ACE: variants seen among roughly 807,000 people sequenced by gnomAD.
ACE encodes the protein angiotensin I converting enzyme, also known as angiotensin-converting enzyme.
Under a neutral mutation model 162.3 loss-of-function variants are expected in ACE, and 122 were observed. The ratio of observed to expected loss-of-function variants is 0.75; its 90% CI spans 0.65 to 0.87. ACE has a LOEUF of 0.87. Among genes scored for constraint, ACE ranks in the 40% least tolerant of loss-of-function variants. The pLI, the probability that ACE is intolerant of heterozygous loss-of-function variation, is 0.00. For missense variants in ACE, 1,799 were observed against 1,735.1 expected, an observed-to-expected ratio of 1.04 and a Z score of -0.65; for synonymous variants, 796 against 720.6, an observed-to-expected ratio of 1.10 and a Z score of -1.68.
rs771624836 is a variant in ACE, at chr17:63,480,537, C to T, written c.847+9C>T. ...CCCTGCTCATCTGCTGGGTAAGGACCTGGCCTCGCCTCCACATGAGTCCCA... is the reference window on the plus strand; with the variant it reads ...CCCTGCTCATCTGCTGGGTAAGGACTTGGCCTCGCCTCCACATGAGTCCCA... On this transcript the variant is annotated intron_variant, in intron 5 of 24. Coordinates refer to ENST00000290866, the MANE Select transcript of ACE (RefSeq NM_000789.4). The T allele has an allele frequency of 2.1e-5, 34 of 1,613,398 alleles. No individual in the cohort carries two copies. Among genetic ancestry groups the T allele is most frequent in the Non-Finnish European group, 2.8e-5 (33 of 1,180,008 alleles).
Position 63,483,567 on chromosome 17 carries a change from G to GCGGGGGCGCGCCCCCC in ACE, c.1586+10_1586+11insGGGGGCGCGCCCCCCC. 1 of 1,589,582 alleles carries GCGGGGGCGCGCCCCCC rather than the reference G, an allele frequency of 6.3e-7. No homozygotes were observed. Among genetic ancestry groups the GCGGGGGCGCGCCCCCC allele is most frequent in the Non-Finnish European group, 8.6e-7 (1 of 1,165,688 alleles). On this transcript the variant is annotated intron_variant, in intron 10 of 24. Coordinates refer to ENST00000290866, the MANE Select transcript of ACE (RefSeq NM_000789.4). ...GTGACACCATACATCAGGTATTAGC[G>GCGGGGGCGCGCCCCCC]CCCCCACCCCACCCACCCCCAGTAC...
At chr17:63,481,416 T>G in intron 6 of ACE, 150 bp from the exon 7 acceptor site, 1 of 920,018 alleles carries the variant, frequency 1.1e-6, no homozygotes, top group Non-Finnish European at 1.7e-6. Context: ...TCATCTGCTG[T>G]GGGAGTGAGG....
intron 17 of ACE, chr17:63,490,673 T>C: frequency 2.1e-6 from 1 of 480,414 alleles, no homozygotes; most frequent in African/African-American, 2.0e-5. Context: ...TGTCAGCAGT[T>C]GCTAGTCACA....
chr17:63,497,973 G>A lies in ACE; in HGVS notation c.*607G>A. ...AGGTCCCCCCAGGGGAAGGCTTCCG[G>A]CTGTTATCGGCTGCCTCAGGGGGCG... is the stretch of plus-strand genomic sequence containing the variant. On this transcript the variant is annotated 3_prime_UTR_variant, in exon 25 of 25. Transcript: ENST00000290866. 1 of 200,744 alleles carries A rather than the reference G, an allele frequency of 5.0e-6. No homozygotes were observed. Among genetic ancestry groups the A allele is most frequent in the South Asian group, 8.7e-5 (1 of 11,538 alleles). The allele number at this position is 200,744 out of a possible 1,614,324, so 12.4% of individuals were successfully genotyped here. A position where few individuals can be genotyped will look rare whatever the true frequency, so the allele number is the denominator to read the frequency against.
At chr17:63,483,200 G>A (rs374687849) in intron 9 of ACE, 27 bp downstream of exon 9, 38 of 1,612,132 alleles carry the variant, frequency 2.4e-5, no homozygotes, top group African/African-American at 1.9e-4. Context: ...AAAAGCCTTC[G>A]CCCCAGCTAG....
chr17:63,478,221 G>C, intron 2 of ACE, 123 bp downstream of exon 2: 5 of 1,279,370 alleles, frequency 3.9e-6, no homozygotes, highest in Non-Finnish European at 5.4e-6. Context: ...TGACAGAAGG[G>C]AAAGCCCAGG....
intron 7 of ACE, among the ~76,000 whole-genome samples, chr17:63,482,250 G>A (rs1161048401): frequency 6.6e-6 from 1 of 151,902 alleles, no homozygotes; most frequent in Admixed American, 6.6e-5. Context: ...GCAGTGAGCT[G>A]AGATTGTGCC....
In ACE at chr17:63,484,372, G is replaced by A. The variant is rs2029862521; in HGVS notation, c.1752G>A (p.Val584=). 1.2e-6 allele frequency: 2 copies of A among 1,611,676 alleles called. No individual in the cohort carries two copies. Among genetic ancestry groups the A allele is most frequent in the South Asian group, 1.1e-5 (1 of 90,898 alleles). ...GCTCCTCCAGGCCCTGGCAGGAGGT[G>A]CTGAAGGACATGGTCGGCTTAGATG... The part of the protein sequence containing the change: ...QAGSSRPWQE[V]LKDMVGLDAL... Residue 584 remains valine (V), a synonymous_variant, in exon 12 of 25, where the codon GTG becomes GTA. Transcript: ENST00000290866. The surrounding 1 kb of genome is among the most constrained non-coding windows in gnomAD (Gnocchi z 4.0).
intron 15 of ACE, among the ~76,000 whole-genome samples, chr17:63,488,185 G>A (rs565959127): frequency 1.2e-4 from 19 of 152,074 alleles, no homozygotes; most frequent in East Asian, 5.8e-4. Flanking sequence ...GCAAGACCCC[G>A]TCTCTACAAA....
At position 63,491,193 on chromosome 17, in the gene ACE, C is replaced by T. The variant is rs758774572; in HGVS notation, c.2740-16C>T. On this transcript the variant is annotated splice_polypyrimidine_tract_variant and intron_variant, in intron 18 of 24. Coordinates refer to ENST00000290866, the MANE Select transcript of ACE (RefSeq NM_000789.4). The surrounding 1 kb of genome is among the most constrained non-coding windows in gnomAD (Gnocchi z 4.4). Reference sequence around the variant, plus strand: ...CCCGGAACCCCCAGTTTGGGCAGAACTCCCTCTGCTTGCAGGGCTGGACGC... The same window carrying T: ...CCCGGAACCCCCAGTTTGGGCAGAATTCCCTCTGCTTGCAGGGCTGGACGC... 1.1e-5 allele frequency: 18 copies of T among 1,613,782 alleles called. No individual in the cohort carries two copies. In the South Asian group the frequency reaches 1.9e-4, roughly 17 times the overall value.
Position 63,486,562 on chromosome 17 carries a change from G to A in ACE, c.2064G>A (p.Gln688=). The change falls in exon 14 of 25, where the codon CAG becomes CAA. Residue 688 remains glutamine, a synonymous_variant. Transcript: ENST00000290866. ...ITTETSKILL[Q]KNMQIANHTL... The stretch of plus-strand genomic sequence containing the variant: ...CCATCCCCCTGTGCCCTCAGCTGCA[G>A]AAGAACATGCAAATAGCCAACCACA... The A allele has an allele frequency of 6.2e-7, 1 of 1,614,170 alleles. No homozygotes were observed. The highest frequency in any genetic ancestry group is 1.6e-4 in the Middle Eastern group (1 of 6,062).
At position 63,481,546 on chromosome 17, in the gene ACE, G is replaced by A. The variant is rs1226715092; in HGVS notation, c.946-20G>A. On this transcript the variant is annotated intron_variant, in intron 6 of 24. Coordinates refer to ENST00000290866, the MANE Select transcript of ACE (RefSeq NM_000789.4). Reference sequence around the variant, plus strand: ...GCCAGAGTGGGCTCCCCCTGACCTGGCTCCACACCCCTCCTCCAGGGCTGG... The same window carrying A: ...GCCAGAGTGGGCTCCCCCTGACCTGACTCCACACCCCTCCTCCAGGGCTGG... 1.2e-6 allele frequency: 2 copies of A among 1,613,240 alleles called. No homozygotes were observed. The highest frequency in any genetic ancestry group is 2.2e-5 in the East Asian group (1 of 44,872).
intron 7 of ACE, among the ~76,000 whole-genome samples, chr17:63,482,026 G>C (rs1014478449): frequency 1.3e-5 from 2 of 152,180 alleles, no homozygotes; most frequent in Non-Finnish European, 2.9e-5. Context: ...TGCCAGGCAC[G>C]GTGGTCACAC....
intron 13 of ACE, 174 bp downstream of exon 13, chr17:63,485,546 G>T (rs992709307): frequency 1.7e-5 from 14 of 819,882 alleles, no homozygotes; most frequent in Middle Eastern, 2.4e-4. Flanking sequence ...TTTGGGAGGG[G>T]GAGGCGGGCG....
chr17:63,485,800 T>C, intron 13 of ACE: 1 of 247,014 alleles, frequency 4.0e-6, no homozygotes, highest in Non-Finnish European at 8.0e-6. Flanking sequence ...AAACTCAATT[T>C]CAGATTTTGA....
intron 15 of ACE, among the ~76,000 whole-genome samples, chr17:63,488,150 G>A (rs778065458): frequency 3.3e-5 from 5 of 152,070 alleles, no homozygotes; most frequent in Admixed American, 6.6e-5. Flanking sequence ...CATGAGAATC[G>A]CTTGAGCCCA....
chr17:63,481,234 G>GGGGGGCGGGGGGGGCC, intron 6 of ACE, 46 bp downstream of exon 6: 1 of 624,020 alleles, frequency 1.6e-6, no homozygotes. Context: ...CGGGGGTGGG[G>GGGGGGCGGGGGGGGCC]CGCAAAAAAA....
At chr17:63,478,945 G>A (rs982056470) in intron 2 of ACE, 62 bp from the exon 3 acceptor site, 6 of 1,422,764 alleles carry the variant, frequency 4.2e-6, no homozygotes, top group African/African-American at 2.8e-5. Context: ...TTCTAGCAGC[G>A]AGGGGAGGGC....
At chr17:63,482,997 C>G in intron 8 of ACE, 32 bp from the exon 9 acceptor site, 4 of 1,605,848 alleles carry the variant, frequency 2.5e-6, no homozygotes, top group Non-Finnish European at 3.4e-6. Flanking sequence ...CCTCTGACCT[C>G]TTCCCTCTCC....
Sources: allele counts gnomAD v4.1 joint callset (sites outside exome capture counted in the v4.1 genomes callset), GRCh38; gene constraint gnomAD v4.1.1; non-coding constraint Gnocchi (gnomAD v3.1); transcripts MANE v1.5; gene names NCBI Gene and HGNC (gene_info 2026-07-23, HGNC 2026-07-21).